ANXA3: variants seen among roughly 807,000 people sequenced by gnomAD.
The protein encoded by ANXA3 is annexin A3.
In ANXA3, 46 loss-of-function variants were observed where a neutral mutation model predicts 48.8. The observed-to-expected ratio is 0.94, with a 90% CI of 0.74 to 1.21. The LOEUF is 1.21. Among genes scored for constraint, ANXA3 ranks in the 50% most tolerant of loss-of-function variants. ANXA3 has a pLI of 0.00. For missense variants in ANXA3, 383 were observed against 378.6 expected, an observed-to-expected ratio of 1.01 and a Z score of -0.10; for synonymous variants, 128 against 134.7, an observed-to-expected ratio of 0.95 and a Z score of 0.35.
At chr4:78,578,557 G>A (rs948258273) in intron 3 of ANXA3, among the ~76,000 whole-genome samples, 4 of 152,256 alleles carry the variant, frequency 2.6e-5, no homozygotes, top group East Asian at 1.9e-4. Flanking sequence ...AGTACAGCGG[G>A]CCCCTGTGAA....
chr4:78,556,758 G>A (rs143803311), intron 2 of ANXA3, among the ~76,000 whole-genome samples: 2 of 152,056 alleles, frequency 1.3e-5, no homozygotes, highest in African/African-American at 4.8e-5. Flanking sequence ...TCTCCAAAAT[G>A]CTGGTGTTAA....
chr4:78,559,649 T>G (rs1338159237), intron 2 of ANXA3, among the ~76,000 whole-genome samples: 1 of 152,236 alleles, frequency 6.6e-6, no homozygotes, highest in Non-Finnish European at 1.5e-5. Flanking sequence ...TGCGACAGGC[T>G]CTGCTGGGAG....
At chr4:78,552,894 G>T (rs1722428947) in intron 1 of ANXA3, among the ~76,000 whole-genome samples, 1 of 152,234 alleles carries the variant, frequency 6.6e-6, no homozygotes, top group Admixed American at 6.5e-5. Context: ...CTCTGTGGTT[G>T]TGTAGAGAAA....
intron 2 of ANXA3, among the ~76,000 whole-genome samples, chr4:78,566,441 A>G (rs6840577): frequency 0.063 from 880 of 14,026 alleles, 5 homozygotes; most frequent in African/African-American, 0.095. Context: ...TGAATGTAGA[A>G]TACTATACTA....
chr4:78,563,386 C>T (rs772033363), intron 2 of ANXA3, among the ~76,000 whole-genome samples: 1 of 152,098 alleles, frequency 6.6e-6, no homozygotes, highest in Non-Finnish European at 1.5e-5. Flanking sequence ...CTGTGTCGTT[C>T]CCCCTCCCCC....
intron 7 of ANXA3, among the ~76,000 whole-genome samples, chr4:78,594,921 G>C (rs1420717236): frequency 6.6e-6 from 1 of 152,096 alleles, no homozygotes; most frequent in Non-Finnish European, 1.5e-5. Flanking sequence ...ACAGCTTGAG[G>C]CCAGGAGTTT....
At chr4:78,608,300 G>T (rs770522241) in intron 12 of ANXA3, among the ~76,000 whole-genome samples, 1 of 152,074 alleles carries the variant, frequency 6.6e-6, no homozygotes, top group Non-Finnish European at 1.5e-5. Context: ...TATTAATAAG[G>T]CAAAATGTAT....
Position 78,604,397 on chromosome 4 carries a change from A to G in ANXA3, c.910A>G (p.Lys304Glu). The change falls in exon 12 of 13, where the codon AAA (lysine) becomes GAA (glutamate). Residue 304 changes from lysine to glutamate, a missense_variant and splice_region_variant. Lys to Glu is a moderately conservative substitution (Grantham distance 56). Coordinates refer to ENST00000264908, the MANE Select transcript of ANXA3 (RefSeq NM_005139.3). ...TGGCTATTCCCTATATTCAGCAATT[A>G]AAGTAAGTCTACTTTTAAAAATAGC... ...HYGYSLYSAIKSDTSGDYEIT... is the reference protein window; with the variant it reads ...HYGYSLYSAIESDTSGDYEIT... 6.2e-7 allele frequency: 1 copy of G among 1,610,034 alleles called. No individual in the cohort carries two copies. Among genetic ancestry groups the G allele is most frequent in the African/African-American group, 1.3e-5 (1 of 74,952 alleles).
intron 2 of ANXA3, among the ~76,000 whole-genome samples, chr4:78,564,841 T>G (rs893416851): frequency 5.3e-5 from 8 of 151,974 alleles, no homozygotes; most frequent in African/African-American, 1.9e-4. Flanking sequence ...AGAACTGAAG[T>G]GTGGGAACTC....
At chr4:78,578,331 A>AGAGAGAGAGAGAGAGAGAGAG (rs1560444874) in intron 3 of ANXA3, among the ~76,000 whole-genome samples, 8 of 41,422 alleles carry the variant, frequency 1.9e-4, no homozygotes, top group African/African-American at 4.5e-4. Context: ...GAGAGAGAGA[A>AGAGAGAGAGAGAGAGAGAGAG]AGGGAGGGAG....
intron 7 of ANXA3, 42 bp from the exon 8 acceptor site, chr4:78,595,339 C>T (rs202085239): frequency 2.2e-4 from 348 of 1,607,084 alleles, no homozygotes; most frequent in Non-Finnish European, 2.8e-4. Flanking sequence ...TTAGAATCTT[C>T]TATCTTTAAA....
chr4:78,559,670 A>G (rs2109924898), intron 2 of ANXA3, among the ~76,000 whole-genome samples: 1 of 152,348 alleles, frequency 6.6e-6, no homozygotes, highest in African/African-American at 2.4e-5. Flanking sequence ...CAGAATGAAG[A>G]CAGTCTAACC....
intron 4 of ANXA3, among the ~76,000 whole-genome samples, chr4:78,580,871 G>A (rs28682404): frequency 0.13 from 19,947 of 152,250 alleles, 4,140 homozygotes; most frequent in African/African-American, 0.44. Context: ...GTTGAATTGA[G>A]TGAATTGCCT....
intron 2 of ANXA3, among the ~76,000 whole-genome samples, chr4:78,564,991 A>ATTT (rs55971305): frequency 1.7e-5 from 2 of 118,320 alleles, no homozygotes; most frequent in Non-Finnish European, 1.8e-5. Flanking sequence ...TCTGACTTAG[A>ATTT]TTTTTTTTTT....
intron 2 of ANXA3, among the ~76,000 whole-genome samples, chr4:78,563,869 C>T (rs1038607175): frequency 1.3e-5 from 2 of 152,108 alleles, no homozygotes; most frequent in African/African-American, 2.4e-5. Flanking sequence ...TAGACAGGGA[C>T]GTCTCCCGCA....
rs377732793 is a variant in ANXA3, at chr4:78,604,349, C to T, written c.862C>T (p.Arg288Ter). ...SRSEIDLLDI[R>*]TEFKKHYGYS... Reference sequence around the variant, plus strand: ...ATCAGAAATTGACCTTTTGGACATTCGAACAGAGTTCAAGAAGCATTATGG... The same window carrying T: ...ATCAGAAATTGACCTTTTGGACATTTGAACAGAGTTCAAGAAGCATTATGG... The change falls in exon 12 of 13, where the codon CGA becomes TGA. Residue 288 changes from arginine to a stop codon, truncating the protein, a stop_gained. Transcript: ENST00000264908. LOFTEE classifies it high-confidence loss of function. The T allele has an allele frequency of 3.1e-5, 50 of 1,613,136 alleles. No individual in the cohort carries two copies. Among genetic ancestry groups the T allele is most frequent in the South Asian group, 2.3e-4 (21 of 91,026 alleles).
chr4:78,595,722 A>G (rs1307390438), intron 8 of ANXA3, 72 bp from the exon 9 acceptor site: 5 of 965,042 alleles, frequency 5.2e-6, no homozygotes, highest in Non-Finnish European at 6.5e-6. Context: ...CTGAAATACA[A>G]CTCCGATTCT....
At chr4:78,578,352 AAGG>A (rs1723004955) in intron 3 of ANXA3, among the ~76,000 whole-genome samples, 1 of 105,728 alleles carries the variant, frequency 9.5e-6, no homozygotes, top group African/African-American at 4.0e-5. Context: ...GGAGGGAGGG[AAGG>A]AGGGAGAGAG....
At chr4:78,587,151 A>G (rs1024064744) in intron 6 of ANXA3, among the ~76,000 whole-genome samples, 2 of 152,224 alleles carry the variant, frequency 1.3e-5, no homozygotes, top group Non-Finnish European at 2.9e-5. Context: ...TCTCCTGACC[A>G]TTGATATATC....
Sources: gnomAD v4.1 joint callset for allele counts (sites outside exome capture counted in the v4.1 genomes callset) on GRCh38, gnomAD v4.1.1 for gene constraint, MANE v1.5 for transcripts, NCBI Gene and HGNC (gene_info 2026-07-23, HGNC 2026-07-21) for gene names.